PALM2AKAP2: variants seen among roughly 807,000 people sequenced by gnomAD.
PALM2AKAP2 encodes the protein PALM2-AKAP2 fusion protein.
PALM2AKAP2 carries 37 observed loss-of-function variants against 71.5 expected under a neutral mutation model. The ratio of observed to expected loss-of-function variants is 0.52; its 90% confidence interval spans 0.40 to 0.68. The LOEUF (loss-of-function observed/expected upper bound fraction) is 0.68. PALM2AKAP2 is among the 30% of genes least tolerant of loss of function. The pLI is 0.00. For synonymous variants in PALM2AKAP2, 468 were observed against 478.8 expected, an observed-to-expected ratio of 0.98 and a Z score of 0.29; for missense variants, 1,224 against 1,191.8, an observed-to-expected ratio of 1.03 and a Z score of -0.40.
At chr9:109,665,056 A>T (rs1402784286) in intron 1 of PALM2AKAP2, among the ~76,000 whole-genome samples, 1 of 152,090 alleles carries the variant, frequency 6.6e-6, no homozygotes. Context: ...GTTCTTCTCT[A>T]CAGTGTTTGT....
In PALM2AKAP2 at chr9:109,925,792, C is replaced by T. The variant is rs531126558; in HGVS notation, c.394+710C>T. ...TGTACTTCTCACCCTTCACCTTGCTCCCTATCCTCAGCTGCAAACCCATGA... is the reference window on the plus strand; with the variant it reads ...TGTACTTCTCACCCTTCACCTTGCTTCCTATCCTCAGCTGCAAACCCATGA... On this transcript the variant is annotated intron_variant, in intron 5 of 9. Transcript: ENST00000302798. 2.6e-5 allele frequency among the ~76,000 whole-genome samples: 4 copies of T among 152,308 alleles called. 1 individual carries two copies. In the East Asian group the frequency reaches 5.8e-4, roughly 22 times the overall value.
At chr9:110,050,691 G>C (rs1451955808) in intron 1 of PALM2AKAP2, among the ~76,000 whole-genome samples, 1 of 151,906 alleles carries the variant, frequency 6.6e-6, no homozygotes, top group Non-Finnish European at 1.5e-5. Flanking sequence ...GCAATGGCAT[G>C]ATCTTGGCTC....
chr9:110,082,566 A>G (rs916293316), intron 1 of PALM2AKAP2, among the ~76,000 whole-genome samples: 6 of 152,232 alleles, frequency 3.9e-5, no homozygotes, highest in Non-Finnish European at 5.9e-5. Context: ...AAATAAGGGG[A>G]AAAATCTCAT....
At chr9:109,898,145 T>C (rs1477668667) in intron 3 of PALM2AKAP2, among the ~76,000 whole-genome samples, 1 of 152,232 alleles carries the variant, frequency 6.6e-6, no homozygotes, top group African/African-American at 2.4e-5. Context: ...ATTGTTGTTG[T>C]TGTCGTTTAA....
chr9:110,090,318 T>C (rs1834677182), intron 1 of PALM2AKAP2: 15 of 456,134 alleles, frequency 3.3e-5, no homozygotes, highest in South Asian at 2.3e-4. Flanking sequence ...AAAGGGAAAC[T>C]GGGACGAAGC....
chr9:109,857,922 T>C (rs922611591), intron 1 of PALM2AKAP2, among the ~76,000 whole-genome samples: 5 of 152,250 alleles, frequency 3.3e-5, no homozygotes, highest in African/African-American at 4.8e-5. Flanking sequence ...ACTACCATCA[T>C]TGGGATTATT....
intron 2 of PALM2AKAP2, among the ~76,000 whole-genome samples, chr9:109,877,326 C>T (rs1829743010): frequency 6.6e-6 from 1 of 152,058 alleles, no homozygotes; most frequent in South Asian, 2.1e-4. Context: ...AATTGGGCTA[C>T]AATTCCATTG....
At chr9:109,796,332 T>C (rs1356030597) in intron 1 of PALM2AKAP2, among the ~76,000 whole-genome samples, 3 of 152,226 alleles carry the variant, frequency 2.0e-5, no homozygotes, top group African/African-American at 4.8e-5. Context: ...TGGGATTTGA[T>C]TGATGTACAG....
exon 2 of PALM2AKAP2, chr9:110,138,359 C>T (rs939332416): frequency 1.9e-6 from 3 of 1,614,188 alleles, no homozygotes; most frequent in South Asian, 1.1e-5. Flanking sequence ...GATGGTTGGG[C>T]CTTTCAAGCT....
rs1554751295 is a variant in PALM2AKAP2, at chr9:110,096,957, T to TTTATTTA, written c.157-39165_157-39164insTATTATT. Among the ~76,000 whole-genome samples the TTTATTTA allele has an allele frequency of 3.4e-3, 481 of 141,380 alleles. 3 individuals carry two copies. The highest frequency in any genetic ancestry group is 5.7e-3 in the Non-Finnish European group (382 of 67,250). 92.8% of individuals were successfully genotyped at this position (141,380 alleles called of 152,430 possible). On this transcript the variant is annotated intron_variant, in intron 1 of 3. Transcript: ENST00000374525. The stretch of plus-strand genomic sequence containing the variant: ...ATTTATTTATTTATTTATTTATTTA[T>TTTATTTA]TTATTATTTTTTTTATTGATCATTC...
At chr9:109,672,151 C>T (rs1001759151) in intron 1 of PALM2AKAP2, among the ~76,000 whole-genome samples, 20 of 152,018 alleles carry the variant, frequency 1.3e-4, no homozygotes, top group African/African-American at 4.6e-4. Flanking sequence ...TAAACAGGAA[C>T]GGTGAAAGAG....
chr9:110,088,239 C>G (rs995288390), intron 1 of PALM2AKAP2, among the ~76,000 whole-genome samples: 9 of 134,430 alleles, frequency 6.7e-5, no homozygotes, highest in Non-Finnish European at 1.4e-4. Context: ...TGGTGTATGC[C>G]CTATGTAATG....
At chr9:109,733,193 C>T (rs985107447) in intron 1 of PALM2AKAP2, among the ~76,000 whole-genome samples, 2 of 152,122 alleles carry the variant, frequency 1.3e-5, no homozygotes, top group Non-Finnish European at 2.9e-5. Flanking sequence ...TTAGATGCAT[C>T]CTGGAAAGGG....
At chr9:109,923,586 G>A in intron 3 of PALM2AKAP2, 149 bp from the exon 4 acceptor site, 1 of 751,612 alleles carries the variant, frequency 1.3e-6, no homozygotes, top group South Asian at 2.0e-5. Flanking sequence ...AAGATGCTGT[G>A]TAATGTAAAA....
At chr9:110,090,130 C>G (rs1041240380) in intron 1 of PALM2AKAP2, 2 of 298,514 alleles carry the variant, frequency 6.7e-6, no homozygotes, top group Non-Finnish European at 1.4e-5. Flanking sequence ...CCAAAGTGTA[C>G]CTTTGAACCG....
At chr9:109,665,168 T>TTC (rs1259621976) in intron 1 of PALM2AKAP2, among the ~76,000 whole-genome samples, 6 of 152,154 alleles carry the variant, frequency 3.9e-5, no homozygotes, top group African/African-American at 1.2e-4. Flanking sequence ...ATTACCGACC[T>TTC]TCTGAAGCCT....
chr9:110,072,479 A>G (rs1426411783), intron 1 of PALM2AKAP2, among the ~76,000 whole-genome samples: 1 of 152,220 alleles, frequency 6.6e-6, no homozygotes, highest in Non-Finnish European at 1.5e-5. Flanking sequence ...AGGAAGAGAA[A>G]CTAAAGGCAG....
In PALM2AKAP2 at chr9:109,836,210, T is replaced by C. The variant is rs1001615011; in HGVS notation, c.46-31281T>C. ...CAGAGGAATGATCAGGCAGCAACATTTGCTGTTCAGCAGTATTCACTGTTC... is the reference window on the plus strand; with the variant it reads ...CAGAGGAATGATCAGGCAGCAACATCTGCTGTTCAGCAGTATTCACTGTTC... On this transcript the variant is annotated intron_variant, in intron 1 of 9. Transcript: ENST00000302798. 3.3e-5 allele frequency among the ~76,000 whole-genome samples: 5 copies of C among 152,204 alleles called. No individual in the cohort carries two copies. In the East Asian group the frequency reaches 9.6e-4, roughly 29 times the overall value.
chr9:109,684,703 G>T (rs1827783383), intron 1 of PALM2AKAP2, among the ~76,000 whole-genome samples: 1 of 152,172 alleles, frequency 6.6e-6, no homozygotes, highest in Middle Eastern at 3.4e-3. Flanking sequence ...ACCTCTTTTT[G>T]ATTATTACAT....
Sources: allele counts gnomAD v4.1 joint callset (sites outside exome capture counted in the v4.1 genomes callset), GRCh38; gene constraint gnomAD v4.1.1; transcripts MANE v1.5; gene names NCBI Gene and HGNC (gene_info 2026-07-23, HGNC 2026-07-21).